ZNF385D: variants seen among roughly 807,000 people sequenced by gnomAD.
The protein encoded by ZNF385D is zinc finger protein 385D, also known as zinc finger protein 659.
In ZNF385D, 15 loss-of-function variants were observed where a neutral mutation model predicts 35.8. That is an observed-to-expected ratio of 0.42 (90% CI 0.28 to 0.64). The LOEUF is 0.64. Ranked by LOEUF, ZNF385D falls within the 30% of genes least tolerant of loss-of-function variation. The pLI is 0.23. For synonymous variants in ZNF385D, 212 were observed against 186.8 expected (o/e 1.13, Z -1.10); for missense variants, 474 against 494.6 (o/e 0.96, Z 0.39).
chr3:21,836,294 A>G (rs1341476910), intron 3 of ZNF385D, among the ~76,000 whole-genome samples: 1 of 152,150 alleles, frequency 6.6e-6, no homozygotes, highest in Non-Finnish European at 1.5e-5. Context: ...CGATTAAAGT[A>G]TCATCAAACA....
At chr3:22,186,197 C>G (rs1695619572) in intron 2 of ZNF385D, among the ~76,000 whole-genome samples, 1 of 152,072 alleles carries the variant, frequency 6.6e-6, no homozygotes, top group South Asian at 2.1e-4. Flanking sequence ...AGAAAGGTCT[C>G]TGAAGAATTA....
intron 2 of ZNF385D, among the ~76,000 whole-genome samples, chr3:22,211,986 A>T (rs551819765): frequency 6.6e-6 from 1 of 152,012 alleles, no homozygotes; most frequent in South Asian, 2.1e-4. Flanking sequence ...TCTCTGCCCT[A>T]CAAATAATTT....
chr3:22,168,684 G>A (rs983845405), intron 3 of ZNF385D: 22 of 436,918 alleles, frequency 5.0e-5, no homozygotes, highest in Non-Finnish European at 6.4e-5. Flanking sequence ...AATGTACTCT[G>A]CTGATAAAAA....
chr3:21,886,133 G>C (rs1330583792), intron 3 of ZNF385D, among the ~76,000 whole-genome samples: 1 of 152,028 alleles, frequency 6.6e-6, no homozygotes, highest in Non-Finnish European at 1.5e-5. Flanking sequence ...TTTTCTTACA[G>C]TATCAGTAAA....
At chr3:21,752,453 C>G (rs184061489), upstream of ZNF385D, among the ~76,000 whole-genome samples, 1 of 151,896 alleles carries the variant, frequency 6.6e-6, no homozygotes, top group Non-Finnish European at 1.5e-5. Context: ...CATTTCCTTA[C>G]GCGATTCTAT....
intron 4 of ZNF385D, among the ~76,000 whole-genome samples, chr3:21,455,556 C>T (rs1250585776): frequency 6.6e-6 from 1 of 152,166 alleles, no homozygotes; most frequent in Middle Eastern, 3.2e-3. Flanking sequence ...AAACTGGATC[C>T]CTTCCTTACA....
At chr3:21,905,205 CAAAAAAAA>C (rs63147760) in intron 3 of ZNF385D, among the ~76,000 whole-genome samples, 1 of 69,730 alleles carries the variant, frequency 1.4e-5, no homozygotes, top group Non-Finnish European at 2.7e-5. Flanking sequence ...ACAAAAAATC[CAAAAAAAA>C]AAAAAAAAAA....
At chr3:22,176,931 G>A (rs112950953) in intron 2 of ZNF385D, among the ~76,000 whole-genome samples, 12 of 152,148 alleles carry the variant, frequency 7.9e-5, no homozygotes, top group South Asian at 2.1e-4. Context: ...AAATTTCAAC[G>A]TCACGAATGT....
intron 2 of ZNF385D, among the ~76,000 whole-genome samples, chr3:22,314,619 T>G (rs533726176): frequency 1.3e-5 from 2 of 152,068 alleles, no homozygotes; most frequent in African/African-American, 4.8e-5. Flanking sequence ...AGCAGCAGGG[T>G]TGCACTCTGG....
intron 3 of ZNF385D, among the ~76,000 whole-genome samples, chr3:22,038,594 A>G (rs999569128): frequency 1.3e-5 from 2 of 152,216 alleles, no homozygotes; most frequent in Non-Finnish European, 2.9e-5. Context: ...AGTTTGAAAC[A>G]CAGTCCTCAT....
intron 2 of ZNF385D, among the ~76,000 whole-genome samples, chr3:22,299,215 GTTCTT>G (rs1372327360): frequency 2.0e-5 from 3 of 151,790 alleles, no homozygotes; most frequent in South Asian, 4.1e-4. Flanking sequence ...ATGACTATCA[GTTCTT>G]TTAAGATTAT....
At chr3:21,738,149 G>C (rs1265951342) in intron 1 of ZNF385D, among the ~76,000 whole-genome samples, 1 of 152,190 alleles carries the variant, frequency 6.6e-6, no homozygotes, top group Admixed American at 6.5e-5. Context: ...TTTTGTTTGT[G>C]CATTGGTTCT....
chr3:22,034,741 AACTC>A (rs1698208307), intron 3 of ZNF385D, among the ~76,000 whole-genome samples: 1 of 152,188 alleles, frequency 6.6e-6, no homozygotes, highest in Non-Finnish European at 1.5e-5. Flanking sequence ...ATTCAAGAAT[AACTC>A]AATAAATATT....
intron 2 of ZNF385D, among the ~76,000 whole-genome samples, chr3:22,335,277 C>G (rs1345315358): frequency 6.6e-6 from 1 of 152,042 alleles, no homozygotes; most frequent in Non-Finnish European, 1.5e-5. Flanking sequence ...TGGCTTCAAA[C>G]AAAAATAAGA....
chr3:21,702,688 C>T (rs891350510), intron 1 of ZNF385D, among the ~76,000 whole-genome samples: 14 of 152,222 alleles, frequency 9.2e-5, no homozygotes, highest in African/African-American at 3.1e-4. Context: ...ACCCAAGTCA[C>T]TCTTGAATGC....
chr3:22,088,215 G>T (rs984772164), intron 3 of ZNF385D, among the ~76,000 whole-genome samples: 1 of 152,184 alleles, frequency 6.6e-6, no homozygotes, highest in East Asian at 1.9e-4. Flanking sequence ...GTTAACATGG[G>T]CACGATGAGC....
At chr3:21,576,757 T>C (rs1433015903) in intron 2 of ZNF385D, among the ~76,000 whole-genome samples, 1 of 152,116 alleles carries the variant, frequency 6.6e-6, no homozygotes, top group African/African-American at 2.4e-5. Flanking sequence ...TGAGAAAAGC[T>C]ACAGTTAGAG....
rs117731420 is a variant in ZNF385D, at chr3:21,877,297, G to A, written c.326-212269C>T. On this transcript the variant is annotated intron_variant, in intron 3 of 5. Transcript: ENST00000494108. Reference sequence around the variant, plus strand: ...ACACTGTACCCAAACATCGATTACAGCCTGAAGTAGGGCCTCAAAAGCACA... The same window carrying A: ...ACACTGTACCCAAACATCGATTACAACCTGAAGTAGGGCCTCAAAAGCACA... Among the ~76,000 whole-genome samples, 545 of 152,120 alleles carry A rather than the reference G, an allele frequency of 3.6e-3. 15 individuals carry two copies. The East Asian group carries it at 0.056, about 16-fold the overall frequency.
intron 2 of ZNF385D, among the ~76,000 whole-genome samples, chr3:22,310,144 T>G (rs1703458767): frequency 6.6e-6 from 1 of 152,032 alleles, no homozygotes. Context: ...TTGACCAATT[T>G]GGTGACATTA....
Sources: gnomAD v4.1 joint callset for allele counts (sites outside exome capture counted in the v4.1 genomes callset) on GRCh38, gnomAD v4.1.1 for gene constraint, MANE v1.5 for transcripts, NCBI Gene and HGNC (gene_info 2026-07-23, HGNC 2026-07-21) for gene names.